Variants in POLD3 observed in about 807,000 individuals in gnomAD.
The protein encoded by POLD3 is DNA polymerase delta 3, accessory subunit.
POLD3 carries 19 observed loss-of-function variants against 58.2 expected under a neutral mutation model. That is an observed-to-expected ratio of 0.33 (90% CI 0.23 to 0.48). The LOEUF is 0.48. POLD3 is among the 20% of genes least tolerant of loss of function. POLD3 has a pLI of 0.99. For missense variants in POLD3, 504 were observed against 545.5 expected (o/e 0.92, Z 0.76); for synonymous variants, 172 against 193.5 (o/e 0.89, Z 0.92).
chr11:74,611,904 T>TA (rs1455401390), intron 4 of POLD3, among the ~76,000 whole-genome samples: 4 of 152,248 alleles, frequency 2.6e-5, no homozygotes, highest in Non-Finnish European at 5.9e-5. Context: ...GAAAGACTTC[T>TA]AAATAACTTC....
chr11:74,651,372 AATTC>A (rs2033066656), intron 4 of POLD3, among the ~76,000 whole-genome samples: 1 of 152,202 alleles, frequency 6.6e-6, no homozygotes, highest in Admixed American at 6.5e-5. Flanking sequence ...AGAGTTTAAG[AATTC>A]ATTCATTTAA....
At chr11:74,597,940 G>A (rs1415906517) in intron 2 of POLD3, among the ~76,000 whole-genome samples, 1 of 152,086 alleles carries the variant, frequency 6.6e-6, no homozygotes, top group East Asian at 1.9e-4. Context: ...CATGAGCCTG[G>A]TGTGGTGGCA....
Position 74,634,569 on chromosome 11 carries a change from TTTCA to T in POLD3, c.1007-11_1007-8del. On this transcript the variant is annotated splice_polypyrimidine_tract_variant and intron_variant, in intron 9 of 11. Coordinates refer to ENST00000263681, the MANE Select transcript of POLD3 (RefSeq NM_006591.3). ...CTTGTAGTTCTCTGATCTAAGTCCGTTTCATTATTTCAGTCTTTCCAGACTCTCC... is the reference window on the plus strand; with the variant it reads ...CTTGTAGTTCTCTGATCTAAGTCCGTTTATTTCAGTCTTTCCAGACTCTCC... The T allele has an allele frequency of 7.1e-7, 1 of 1,403,966 alleles. No homozygotes were observed. The highest frequency in any genetic ancestry group is 1.0e-6 in the Non-Finnish European group (1 of 988,634). The allele number at this position is 1,403,966 out of a possible 1,614,324, so 87.0% of individuals were successfully genotyped here. A position where few individuals can be genotyped will look rare whatever the true frequency, so the allele number is the denominator to read the frequency against.
At chr11:74,667,549 T>G (rs1410666693) in intron 4 of POLD3, among the ~76,000 whole-genome samples, 1 of 151,318 alleles carries the variant, frequency 6.6e-6, no homozygotes, top group Non-Finnish European at 1.5e-5. Context: ...GTAAATTTTA[T>G]GTCATGAATA....
intron 10 of POLD3, among the ~76,000 whole-genome samples, 174 bp downstream of exon 10, chr11:74,634,869 C>T (rs932083360): frequency 6.6e-6 from 1 of 152,130 alleles, no homozygotes; most frequent in African/African-American, 2.4e-5. Context: ...TCCATTCTTA[C>T]CTGAAGGGAG....
intron 2 of POLD3, among the ~76,000 whole-genome samples, chr11:74,601,917 G>A (rs6592573): frequency 0.28 from 43,001 of 151,990 alleles, 6,191 homozygotes; most frequent in Middle Eastern, 0.37. Context: ...CTAGGCAGAA[G>A]GAAGGGCATA....
At chr11:74,660,891 C>T (rs2033198249) in intron 4 of POLD3, among the ~76,000 whole-genome samples, 1 of 151,720 alleles carries the variant, frequency 6.6e-6, no homozygotes, top group Non-Finnish European at 1.5e-5. Context: ...TAAAAACAGG[C>T]TAATACATCT....
intron 2 of POLD3, among the ~76,000 whole-genome samples, chr11:74,594,633 TA>T (rs2031160808): frequency 6.6e-6 from 1 of 152,236 alleles, no homozygotes; most frequent in South Asian, 2.1e-4. Flanking sequence ...TATGAACATA[TA>T]TTTTCAGTTA....
chr11:74,623,961 G>A (rs1252904767), intron 7 of POLD3, among the ~76,000 whole-genome samples: 1 of 152,202 alleles, frequency 6.6e-6, no homozygotes, highest in Non-Finnish European at 1.5e-5. Context: ...TGAATCTAAT[G>A]TTTGATCAGT....
At chr11:74,605,555 G>C (rs778438431) in intron 3 of POLD3, among the ~76,000 whole-genome samples, 2 of 152,124 alleles carry the variant, frequency 1.3e-5, no homozygotes, top group Non-Finnish European at 2.9e-5. Context: ...CCTCCCAAAA[G>C]TAAGGCATAC....
At chr11:74,636,335 C>T (rs990131920) in intron 11 of POLD3, 60 bp downstream of exon 11, 4 of 1,549,968 alleles carry the variant, frequency 2.6e-6, no homozygotes, top group Non-Finnish European at 3.5e-6. Flanking sequence ...ACAGAGGCAC[C>T]ATAATCCCTT....
At chr11:74,602,950 T>C (rs1197287020) in intron 2 of POLD3, among the ~76,000 whole-genome samples, 2 of 152,234 alleles carry the variant, frequency 1.3e-5, no homozygotes, top group Non-Finnish European at 2.9e-5. Flanking sequence ...GCTCTGCTAA[T>C]GAGGCCTTCC....
At chr11:74,604,430 C>T in intron 2 of POLD3, 4 of 302,140 alleles carry the variant, frequency 1.3e-5, no homozygotes, top group Non-Finnish European at 2.5e-5. Context: ...AGGTTCAGTC[C>T]CTCTTGGTCT....
chr11:74,600,138 G>C (rs1449221895), intron 2 of POLD3, among the ~76,000 whole-genome samples: 1 of 151,642 alleles, frequency 6.6e-6, no homozygotes, highest in African/African-American at 2.4e-5. Context: ...GTAGAGATGG[G>C]GTTTCACCAT....
intron 4 of POLD3, among the ~76,000 whole-genome samples, chr11:74,656,402 A>G (rs2033135514): frequency 6.6e-6 from 1 of 152,084 alleles, no homozygotes; most frequent in Admixed American, 6.5e-5. Flanking sequence ...GCCTGACCAA[A>G]ATGGTGAAAG....
intron 4 of POLD3, among the ~76,000 whole-genome samples, chr11:74,665,286 T>TGTG (rs1194593280): frequency 7.2e-6 from 1 of 139,672 alleles, no homozygotes; most frequent in East Asian, 2.2e-4. Context: ...ATTGTGCCAC[T>TGTG]GCACCCCAGC....
At chr11:74,637,905 G>T (rs4612836) in intron 11 of POLD3, among the ~76,000 whole-genome samples, 1 of 151,770 alleles carries the variant, frequency 6.6e-6, no homozygotes, top group Admixed American at 6.6e-5. Flanking sequence ...TCTCTGCTCA[G>T]ACTGTTCCAA....
intron 4 of POLD3, among the ~76,000 whole-genome samples, chr11:74,667,450 A>G (rs972867675): frequency 5.9e-5 from 9 of 152,188 alleles, no homozygotes; most frequent in African/African-American, 2.2e-4. Flanking sequence ...GAATGGTGTG[A>G]ACCCGGGGGG....
intron 8 of POLD3, among the ~76,000 whole-genome samples, 185 bp downstream of exon 8, chr11:74,625,758 G>A (rs2032413577): frequency 6.6e-6 from 1 of 152,088 alleles, no homozygotes; most frequent in South Asian, 2.1e-4. Flanking sequence ...TAGGACCGTA[G>A]GATCAGCCAG....
Sources: allele counts gnomAD v4.1 joint callset (sites outside exome capture counted in the v4.1 genomes callset), GRCh38; gene constraint gnomAD v4.1.1; transcripts MANE v1.5; gene names NCBI Gene and HGNC (gene_info 2026-07-23, HGNC 2026-07-21).